CAST: variants seen among roughly 807,000 people sequenced by gnomAD.
CAST encodes MIR583 host.
A neutral mutation model predicts 119.6 loss-of-function variants in CAST; 76 were observed. The observed-to-expected ratio is 0.64, with a 90% CI of 0.53 to 0.77. The LOEUF (loss-of-function observed/expected upper bound fraction) is 0.77, where lower values mean the gene tolerates loss of function less well. Among genes scored for constraint, CAST ranks in the 30% least tolerant of loss-of-function variants. CAST has a pLI of 0.00. For missense variants in CAST, 953 were observed against 946.5 expected, an observed-to-expected ratio of 1.01 and a Z score of -0.09; for synonymous variants, 319 against 331.6, an observed-to-expected ratio of 0.96 and a Z score of 0.41.
At chr5:96,619,442 C>T (rs1580848359) in intron 1 of CAST, among the ~76,000 whole-genome samples, 1 of 152,216 alleles carries the variant, frequency 6.6e-6, no homozygotes, top group African/African-American at 2.4e-5. Context: ...GTAAAATGGA[C>T]CAATCAGCAG....
At chr5:95,971,083 G>T in the CAST span, among the ~76,000 whole-genome samples, 2 of 152,138 alleles carry the variant, frequency 1.3e-5, no homozygotes, top group African/African-American at 4.8e-5. Context: ...AACTTCAATA[G>T]CATAGAAAGC....
the CAST span, among the ~76,000 whole-genome samples, chr5:96,253,834 T>C: frequency 1.3e-5 from 2 of 152,104 alleles, no homozygotes; most frequent in Non-Finnish European, 2.9e-5. Flanking sequence ...CCAAGAGATA[T>C]GATGTAGCAT....
chr5:96,462,213 C>T, the CAST span, among the ~76,000 whole-genome samples: 24 of 152,178 alleles, frequency 1.6e-4, no homozygotes, highest in Middle Eastern at 6.8e-3. Flanking sequence ...TAATTGATTG[C>T]TTTTGGCCCC....
the CAST span, among the ~76,000 whole-genome samples, chr5:96,441,271 A>G: frequency 1.3e-5 from 2 of 152,118 alleles, no homozygotes; most frequent in Non-Finnish European, 1.5e-5. Context: ...CTGGCACTCA[A>G]TTCTCACCTC....
the CAST span, among the ~76,000 whole-genome samples, chr5:96,300,708 T>C: frequency 6.6e-6 from 1 of 152,170 alleles, no homozygotes; most frequent in East Asian, 1.9e-4. Flanking sequence ...TTAACAATAT[T>C]AATTCTTTCT....
intron 22 of CAST, among the ~76,000 whole-genome samples, chr5:96,756,460 C>G (rs887269791): frequency 6.6e-6 from 1 of 152,216 alleles, no homozygotes; most frequent in Middle Eastern, 3.2e-3. Flanking sequence ...GGGACCAGAA[C>G]TGTTTCAGAT....
At chr5:96,359,952 C>T in the CAST span, among the ~76,000 whole-genome samples, 4 of 152,156 alleles carry the variant, frequency 2.6e-5, no homozygotes, top group Admixed American at 6.5e-5. Flanking sequence ...CCATTCTCCC[C>T]GTCACTTTCA....
At chr5:96,057,464 A>T in the CAST span, among the ~76,000 whole-genome samples, 1 of 152,130 alleles carries the variant, frequency 6.6e-6, no homozygotes, top group Non-Finnish European at 1.5e-5. Context: ...CTTTCTCATG[A>T]AGTCTTTTCC....
At chr5:96,300,412 A>T in the CAST span, among the ~76,000 whole-genome samples, 1 of 152,236 alleles carries the variant, frequency 6.6e-6, no homozygotes, top group East Asian at 1.9e-4. Context: ...TTGACCATAG[A>T]TATGTGTTCA....
At chr5:96,758,459 A>T (rs1766852755) in intron 24 of CAST, among the ~76,000 whole-genome samples, 1 of 152,156 alleles carries the variant, frequency 6.6e-6, no homozygotes, top group East Asian at 1.9e-4. Context: ...ATAACTGCAG[A>T]ACCTTTTCTT....
At chr5:96,393,775 A>G in the CAST span, among the ~76,000 whole-genome samples, 3 of 152,336 alleles carry the variant, frequency 2.0e-5, no homozygotes, top group African/African-American at 7.2e-5. Context: ...GAAGGCACCC[A>G]CTGGTTGCGG....
chr5:96,648,887 G>C (rs890551164), intron 1 of CAST, among the ~76,000 whole-genome samples: 3 of 151,856 alleles, frequency 2.0e-5, no homozygotes, highest in Non-Finnish European at 2.9e-5. Flanking sequence ...CCAGCTAATA[G>C]GTCAAGGACT....
In CAST at chr5:96,662,462, C is replaced by A. The variant is rs968536841; in HGVS notation, c.40C>A (p.Pro14Thr). 72 of 1,435,038 alleles carry A rather than the reference C, an allele frequency of 5.0e-5. No homozygotes were observed. The highest frequency in any genetic ancestry group is 6.3e-5 in the Non-Finnish European group (69 of 1,098,858). The allele number at this position is 1,435,038 out of a possible 1,614,324, so 88.9% of individuals were successfully genotyped here. A position where few individuals can be genotyped will look rare whatever the true frequency, so the allele number is the denominator to read the frequency against. Residue 14 changes from proline (P) to threonine (T), a missense_variant, in exon 1 of 32, where the codon CCC (proline) becomes ACC (threonine). Physicochemically the swap from Pro to Thr is conservative, Grantham distance 38 (BLOSUM62 -1). Coordinates refer to ENST00000675179, the MANE Select transcript of CAST (RefSeq NM_001750.7). ...CCAGAAGCCCGCCGCCTCCCCGCGGCCCCGGCGAGCAGCCGCCGCCCGCCG... is the reference window on the plus strand; with the variant it reads ...CCAGAAGCCCGCCGCCTCCCCGCGGACCCGGCGAGCAGCCGCCGCCCGCCG... Reference protein sequence around the residue: ...PGQKPAASPRPRRAAAARRTH... With the variant: ...PGQKPAASPRTRRAAAARRTH...
chr5:96,160,576 G>T, the CAST span, among the ~76,000 whole-genome samples: 2 of 152,000 alleles, frequency 1.3e-5, no homozygotes, highest in Non-Finnish European at 2.9e-5. Context: ...TAAACATTAT[G>T]TTCAAGTTTT....
chr5:96,648,067 T>C (rs1208602771), intron 1 of CAST, among the ~76,000 whole-genome samples: 1 of 152,230 alleles, frequency 6.6e-6, no homozygotes, highest in Non-Finnish European at 1.5e-5. Context: ...AGGTTGTGTT[T>C]CCCCAGTATT....
At chr5:96,665,774 A>C (rs1038392112) in intron 1 of CAST, among the ~76,000 whole-genome samples, 2 of 151,900 alleles carry the variant, frequency 1.3e-5, no homozygotes, top group African/African-American at 4.8e-5. Flanking sequence ...ACATACACAC[A>C]TACAAACATA....
chr5:96,529,507 T>C (rs1161390582), upstream of CAST, among the ~76,000 whole-genome samples: 3 of 152,204 alleles, frequency 2.0e-5, no homozygotes, highest in Non-Finnish European at 4.4e-5. Context: ...TACAATGAGT[T>C]GTTACAGTAT....
intron 1 of CAST, among the ~76,000 whole-genome samples, chr5:96,611,015 A>G (rs530722918): frequency 3.3e-5 from 5 of 152,184 alleles, no homozygotes; most frequent in Non-Finnish European, 7.4e-5. Flanking sequence ...CAGTGACGGA[A>G]GAAATCATAA....
the CAST span, among the ~76,000 whole-genome samples, chr5:96,166,771 G>T: frequency 4.6e-5 from 7 of 152,088 alleles, no homozygotes; most frequent in African/African-American, 1.7e-4. Context: ...CCTCACTCAT[G>T]AATTCAGATT....
Sources: allele counts gnomAD v4.1 joint callset (sites outside exome capture counted in the v4.1 genomes callset), GRCh38; gene constraint gnomAD v4.1.1; transcripts MANE v1.5; gene names NCBI Gene and HGNC (gene_info 2026-07-23, HGNC 2026-07-21).